SLC49A3: variants seen among roughly 807,000 people sequenced by gnomAD.
SLC49A3 encodes solute carrier family 49 member 3.
Under a neutral mutation model 43.8 loss-of-function variants are expected in SLC49A3, and 50 were observed. That is an observed-to-expected ratio of 1.14 (90% CI 0.91 to 1.45). The LOEUF is 1.45. Among genes scored for constraint, SLC49A3 ranks in the 40% most tolerant of loss-of-function variants. SLC49A3 has a pLI of 0.00. For missense variants in SLC49A3, 906 were observed against 774.1 expected (o/e 1.17, Z -2.02); for synonymous variants, 413 against 352.0 (o/e 1.17, Z -1.94).
chr4:683,632 G>C lies in SLC49A3; in HGVS notation c.970C>G (p.Leu324Val), dbSNP rs1287585744. The change falls in exon 7 of 10, where the codon CTG (leucine) becomes GTG (valine). Residue 324 changes from leucine to valine, a missense_variant. Physicochemically the swap from Leu to Val is conservative, Grantham distance 32 (BLOSUM62 1). Transcript: ENST00000322224. Reference protein sequence around the residue: ...ATKIGLCLFSLACVPFALVSQ... With the variant: ...ATKIGLCLFSVACVPFALVSQ... ...ACCAGGGCAAAGGGCACGCAGGCCA[G>C]AGAGAACAGGCACAGGCCAATCTTG... is the stretch of plus-strand genomic sequence containing the variant. 1.2e-6 allele frequency: 2 copies of C among 1,609,372 alleles called. No individual in the cohort carries two copies. The highest frequency in any genetic ancestry group is 1.7e-6 in the Non-Finnish European group (2 of 1,178,182).
chr4:678,329 C>A (rs1739064157), downstream of SLC49A3: 5 of 1,420,004 alleles, frequency 3.5e-6, no homozygotes, highest in South Asian at 7.4e-5. Context: ...CCAGAACAAG[C>A]CCACCCAGAG....
At chr4:678,449 CTGTGCTGAAGCCAGACA>C, downstream of SLC49A3, 1 of 1,429,166 alleles carries the variant, frequency 7.0e-7, no homozygotes, top group Non-Finnish European at 9.1e-7. Flanking sequence ...CCCCCAGTCC[CTGTGCTGAAGCCAGACA>C]CCTGCAGCCG....
chr4:688,883 C>T (rs910957815), intron 1 of SLC49A3, 110 bp downstream of exon 1: 6 of 1,418,658 alleles, frequency 4.2e-6, no homozygotes, highest in African/African-American at 3.0e-5. Flanking sequence ...AGGCACCCCC[C>T]GCCCCCAGCC....
intron 4 of SLC49A3, 62 bp from the exon 5 acceptor site, chr4:684,918 C>T (rs1221666008): frequency 6.5e-7 from 1 of 1,543,962 alleles, no homozygotes; most frequent in East Asian, 2.4e-5. Flanking sequence ...ACGCCGCAGC[C>T]CTGCCTGTCC....
rs1278536810 is a variant in SLC49A3, at chr4:684,707, C to A, written c.723+12G>T. The A allele has an allele frequency of 6.2e-7, 1 of 1,609,426 alleles. No homozygotes were observed. The highest frequency in any genetic ancestry group is 8.5e-7 in the Non-Finnish European group (1 of 1,178,322). On this transcript the variant is annotated intron_variant, in intron 5 of 9. Transcript: ENST00000322224. ...CAAATCCACCCTACCCCGGGGATCC[C>A]ACGGCACTGACCAGCTTGAGCCCAT...
Position 685,023 on chromosome 4 carries a change from C to G in SLC49A3, c.586-167G>C. 1.1e-6 allele frequency: 1 copy of G among 943,842 alleles called. No homozygotes were observed. Among genetic ancestry groups the G allele is most frequent in the Non-Finnish European group, 1.5e-6 (1 of 659,040 alleles). The allele number at this position is 943,842 out of a possible 1,614,324, so 58.5% of individuals were successfully genotyped here. On this transcript the variant is annotated intron_variant, in intron 4 of 9. Transcript: ENST00000322224. This position sits in a 1 kb window ranked among gnomAD's most constrained non-coding sequence, Gnocchi z 4.3. ...TTTGCGAGGCCCAGGCTGGGAGGGG[C>G]CTGCTCCAGGGGCTCATGGGGACCC...
At position 686,196 on chromosome 4, in the gene SLC49A3, C is replaced by T; in HGVS notation, c.401G>A (p.Ser134Asn). Residue 134 changes from serine to asparagine, a missense_variant, in exon 3 of 10, where the codon AGC (serine) becomes AAC (asparagine). Physicochemically the swap from Ser to Asn is conservative, Grantham distance 46 (BLOSUM62 1). Transcript: ENST00000322224. ...CAGGCTCTGGGCAAGGGCACAGAGG[C>T]TCTGGCCACCCATGAGGAAGGCAAA... ...NPFAFLMGGQ[S>N]LCALAQSLVI... 3 of 1,613,544 alleles carry T rather than the reference C, an allele frequency of 1.9e-6. No homozygotes were observed. Among genetic ancestry groups the T allele is most frequent in the East Asian group, 4.5e-5 (2 of 44,876 alleles).
In SLC49A3 at chr4:686,327, G is replaced by C. The variant is rs374424948; in HGVS notation, c.295-25C>G. 13 of 1,609,198 alleles carry C rather than the reference G, an allele frequency of 8.1e-6. No homozygotes were observed. In the African/African-American group the frequency reaches 1.7e-4, roughly 21 times the overall value. ...TCTGCGAGGAGGGGGTCGGGGACCG[G>C]GTCAGGAACGCTGCCACCAGCCCAA... is the stretch of plus-strand genomic sequence containing the variant. On this transcript the variant is annotated intron_variant, in intron 2 of 9. Transcript: ENST00000322224.
downstream of SLC49A3, among the ~76,000 whole-genome samples, chr4:677,538 C>G (rs979532247): frequency 6.6e-6 from 1 of 152,220 alleles, no homozygotes; most frequent in Non-Finnish European, 1.5e-5. Flanking sequence ...ACTTCTGTCA[C>G]CAAGGCAGGG....
At chr4:688,819 C>T in intron 1 of SLC49A3, 174 bp downstream of exon 1, 2 of 1,092,548 alleles carry the variant, frequency 1.8e-6, no homozygotes, top group Non-Finnish European at 2.4e-6. Flanking sequence ...TGGGCCCAGC[C>T]ACCTCCAGGA....
intron 1 of SLC49A3, chr4:687,204 C>T (rs1256120157): frequency 6.5e-6 from 1 of 153,730 alleles, no homozygotes; most frequent in East Asian, 1.9e-4. Flanking sequence ...AGCACAAGTG[C>T]ACGCTGCGGC....
At chr4:681,442 C>CA (rs1739509889), downstream of SLC49A3, among the ~76,000 whole-genome samples, 1 of 150,832 alleles carries the variant, frequency 6.6e-6, no homozygotes. Context: ...AGCCGCCCCC[C>CA]ACCCCCGACG....
intron 7 of SLC49A3, 47 bp from the exon 8 acceptor site, chr4:683,414 C>T (rs1299009352): frequency 6.3e-7 from 1 of 1,582,898 alleles, no homozygotes; most frequent in Non-Finnish European, 8.6e-7. Flanking sequence ...GGGTGGCAGT[C>T]AGAACTGGAC....
Position 684,784 on chromosome 4 carries a change from G to T in SLC49A3, c.658C>A (p.Pro220Thr). The T allele has an allele frequency of 6.2e-7, 1 of 1,612,556 alleles. No individual in the cohort carries two copies. The highest frequency in any genetic ancestry group is 8.5e-7 in the Non-Finnish European group (1 of 1,179,904). ...GCAGCCCCGGCAGAGGGCGGGGTGG[G>T]GGGCACACTCTCCCACAGGCAGATG... ...STICLWESVP[P>T]TPPSAGAASS... The change falls in exon 5 of 10, where the codon CCC (proline) becomes ACC (threonine). Residue 220 changes from proline to threonine, a missense_variant. Coordinates refer to ENST00000322224, the MANE Select transcript of SLC49A3 (RefSeq NM_032219.4).
At chr4:687,296 C>G (rs1006934844) in intron 1 of SLC49A3, 3 of 152,566 alleles carry the variant, frequency 2.0e-5, no homozygotes, top group Non-Finnish European at 4.4e-5. Flanking sequence ...GGGGCTCACT[C>G]CGGGAGGCAG....
chr4:679,728 G>A (rs2109344586), downstream of SLC49A3, among the ~76,000 whole-genome samples: 1 of 152,300 alleles, frequency 6.6e-6, no homozygotes, highest in South Asian at 2.1e-4. Flanking sequence ...GGGGCTCACG[G>A]TTTGGGGTGA....
At chr4:684,690 C>T (rs1332836421) in intron 5 of SLC49A3, 29 bp downstream of exon 5, 33 of 1,606,162 alleles carry the variant, frequency 2.1e-5, no homozygotes, top group Non-Finnish European at 2.7e-5. Flanking sequence ...CCCAAATCCA[C>T]CCTACCCCGG....
chr4:680,379 G>A (rs900954533), downstream of SLC49A3: 3 of 986,516 alleles, frequency 3.0e-6, no homozygotes, highest in Non-Finnish European at 3.1e-6. Flanking sequence ...TTCAGGCAGA[G>A]GCCACCTTGT....
downstream of SLC49A3, among the ~76,000 whole-genome samples, chr4:681,646 C>T (rs1286836795): frequency 4.9e-3 from 303 of 61,240 alleles, 19 homozygotes; most frequent in African/African-American, 0.011. Context: ...CGCCGCCCCG[C>T]CCCCTCCAGC....
Sources: allele counts gnomAD v4.1 joint callset (sites outside exome capture counted in the v4.1 genomes callset), GRCh38; gene constraint gnomAD v4.1.1; non-coding constraint Gnocchi (gnomAD v3.1); transcripts MANE v1.5; gene names NCBI Gene and HGNC (gene_info 2026-07-23, HGNC 2026-07-21).